The following GPR180 variants were observed in gnomAD, a reference collection of about 807,000 sequenced individuals.
The protein encoded by GPR180 is integral membrane protein GPR180.
A neutral mutation model predicts 52.6 loss-of-function variants in GPR180; 53 were observed. The observed-to-expected ratio is 1.01, with a 90% CI of 0.81 to 1.27. The LOEUF (loss-of-function observed/expected upper bound fraction) is 1.27, where lower values mean the gene tolerates loss of function less well. Among genes scored for constraint, GPR180 ranks in the 50% most tolerant of loss-of-function variants. GPR180 has a pLI of 0.00. For synonymous variants in GPR180, 200 were observed against 193.1 expected, an observed-to-expected ratio of 1.04 and a Z score of -0.30; for missense variants, 533 against 527.0, an observed-to-expected ratio of 1.01 and a Z score of -0.11.
At chr13:94,607,268 T>C (rs115105885) in intron 2 of GPR180, among the ~76,000 whole-genome samples, 1,839 of 152,302 alleles carry the variant, frequency 0.012, 39 homozygotes, top group African/African-American at 0.042. Context: ...GCCATGCTGG[T>C]CCCCCTTCTG....
intron 6 of GPR180, among the ~76,000 whole-genome samples, chr13:94,622,724 C>T (rs2138568104): frequency 6.6e-6 from 1 of 152,280 alleles, no homozygotes; most frequent in East Asian, 1.9e-4. Context: ...CAGGTGCCCG[C>T]CACCACACCC....
chr13:94,611,581 C>T (rs1445388046), intron 2 of GPR180, among the ~76,000 whole-genome samples: 4 of 152,008 alleles, frequency 2.6e-5, no homozygotes, highest in Admixed American at 2.0e-4. Context: ...AAGATGGTGG[C>T]GAGACTTGGC....
At chr13:94,617,025 G>A (rs1889787274) in intron 3 of GPR180, among the ~76,000 whole-genome samples, 1 of 152,146 alleles carries the variant, frequency 6.6e-6, no homozygotes, top group East Asian at 1.9e-4. Flanking sequence ...TCGTTATAAT[G>A]TTAGCTTTTT....
Position 94,628,859 on chromosome 13 carries a change from A to G in GPR180, c.*1688A>G, listed in dbSNP as rs1264971815. On this transcript the variant is annotated 3_prime_UTR_variant, in exon 9 of 9. Transcript: ENST00000376958. ...CAGCTGAGATGCAAAAAAGAAATTA[A>G]GCAAAAAAGAAAAAGATGAAGACTT... 3.3e-5 allele frequency: 5 copies of G among 152,118 alleles called. No individual in the cohort carries two copies. The highest frequency in any genetic ancestry group is 1.2e-4 in the African/African-American group (5 of 41,464). 9.4% of individuals were successfully genotyped at this position (152,118 alleles called of 1,614,324 possible).
chr13:94,606,332 T>A (rs1843305600), intron 2 of GPR180, among the ~76,000 whole-genome samples: 1 of 152,210 alleles, frequency 6.6e-6, no homozygotes, highest in South Asian at 2.1e-4. Context: ...CACCACATCA[T>A]TTGTATACTT....
intron 7 of GPR180, among the ~76,000 whole-genome samples, chr13:94,624,699 C>T (rs1889901335): frequency 6.6e-6 from 1 of 152,092 alleles, no homozygotes; most frequent in African/African-American, 2.4e-5. Context: ...CTCGCGCCCA[C>T]GCCCGGCTAA....
intron 3 of GPR180, among the ~76,000 whole-genome samples, chr13:94,613,448 AT>A (rs1316550635): frequency 6.6e-6 from 1 of 152,012 alleles, no homozygotes; most frequent in Non-Finnish European, 1.5e-5. Context: ...TGGTGTGCTA[AT>A]TTTTTTTATT....
intron 2 of GPR180, among the ~76,000 whole-genome samples, chr13:94,610,856 C>T (rs1889693767): frequency 6.6e-6 from 1 of 152,232 alleles, no homozygotes; most frequent in Admixed American, 6.5e-5. Context: ...AAACTATCCC[C>T]TCACATTTTC....
At position 94,618,070 on chromosome 13, in the gene GPR180, A is replaced by G. The variant is rs138064537; in HGVS notation, c.506-1080A>G. On this transcript the variant is annotated intron_variant, in intron 3 of 8. Coordinates refer to ENST00000376958, the MANE Select transcript of GPR180 (RefSeq NM_180989.6). ...TACTAAAAAGCTGCTAGTAGGCACT[A>G]GAGGCTGCTCTAATGACTGGTTCCA... is the stretch of plus-strand genomic sequence containing the variant. 2.8e-3 allele frequency among the ~76,000 whole-genome samples: 434 copies of G among 152,352 alleles called. 2 individuals carry two copies. Among genetic ancestry groups the G allele is most frequent in the African/African-American group, 9.5e-3 (396 of 41,586 alleles).
In GPR180 at chr13:94,602,030, C is replaced by T; in HGVS notation, c.103C>T (p.Gln35Ter). Residue 35 changes from glutamine to a stop codon, truncating the protein, a stop_gained, in exon 1 of 9, where the codon CAG becomes TAG. Coordinates refer to ENST00000376958, the MANE Select transcript of GPR180 (RefSeq NM_180989.6). LOFTEE classifies it high-confidence loss of function. ...GGGCAGCTTCAGCAGCACCGCGGCC[C>T]AGGACGCCCAGGGCCAGCGCATCGG... ...LRGSFSSTAA[Q>*]DAQGQRIGHF... is the part of the protein sequence containing the mutation. 6.9e-7 allele frequency: 1 copy of T among 1,455,038 alleles called. No homozygotes were observed. 90.1% of individuals were successfully genotyped at this position (1,455,038 alleles called of 1,614,324 possible). A position where few individuals can be genotyped will look rare whatever the true frequency, so the allele number is the denominator to read the frequency against.
intron 6 of GPR180, among the ~76,000 whole-genome samples, chr13:94,622,625 G>C (rs540033956): frequency 3.3e-5 from 5 of 152,314 alleles, no homozygotes; most frequent in African/African-American, 1.2e-4. Context: ...CAAAAGTGAA[G>C]TTCAGAAATG....
chr13:94,618,650 T>G (rs1241393182), intron 3 of GPR180, among the ~76,000 whole-genome samples: 1 of 152,006 alleles, frequency 6.6e-6, no homozygotes, highest in Non-Finnish European at 1.5e-5. Context: ...GATCAAAAAC[T>G]GGATGGCACT....
At position 94,633,379 on chromosome 13, in the gene GPR180, G is replaced by A. The variant is rs1294901289; in HGVS notation, c.*6208G>A. On this transcript the variant is annotated 3_prime_UTR_variant, in exon 9 of 9. Coordinates refer to ENST00000376958, the MANE Select transcript of GPR180 (RefSeq NM_180989.6). ...GAAAATTACGTTGTACTCTCTGTACGGATAATTTTCGGTTAAGTGTTTTTG... is the reference window on the plus strand; with the variant it reads ...GAAAATTACGTTGTACTCTCTGTACAGATAATTTTCGGTTAAGTGTTTTTG... 1 of 152,090 alleles carries A rather than the reference G, an allele frequency of 6.6e-6. No homozygotes were observed. The highest frequency in any genetic ancestry group is 3.4e-3 in the Middle Eastern group (1 of 294). The allele number at this position is 152,090 out of a possible 1,614,324, so 9.4% of individuals were successfully genotyped here.
intron 2 of GPR180, among the ~76,000 whole-genome samples, chr13:94,607,255 A>G (rs1321449001): frequency 6.6e-6 from 1 of 152,170 alleles, no homozygotes; most frequent in East Asian, 1.9e-4. Flanking sequence ...TGGTTATTTT[A>G]TAGCCATGCT....
chr13:94,606,728 G>GGAGGGAA (rs1889637412), intron 2 of GPR180, among the ~76,000 whole-genome samples: 4 of 152,126 alleles, frequency 2.6e-5, no homozygotes, highest in Admixed American at 2.6e-4. Flanking sequence ...CCCTCATAAG[G>GGAGGGAA]CAACTAGCTA....
chr13:94,623,893 A>G (rs1371518113), intron 7 of GPR180, among the ~76,000 whole-genome samples: 1 of 152,132 alleles, frequency 6.6e-6, no homozygotes, highest in Non-Finnish European at 1.5e-5. Flanking sequence ...TTTTTTCTGT[A>G]ATACCAGAAT....
chr13:94,626,401 C>G (rs998931636), intron 8 of GPR180, among the ~76,000 whole-genome samples: 9 of 152,036 alleles, frequency 5.9e-5, no homozygotes, highest in African/African-American at 1.9e-4. Flanking sequence ...AGTTATTGAA[C>G]AGACTACAAA....
chr13:94,623,024 A>T (rs1232777444), intron 6 of GPR180, 85 bp from the exon 7 acceptor site: 6 of 916,404 alleles, frequency 6.5e-6, no homozygotes, highest in African/African-American at 1.7e-5. Context: ...TAACATTTAA[A>T]GGGATGTTTA....
At chr13:94,607,852 C>T (rs1889654897) in intron 2 of GPR180, among the ~76,000 whole-genome samples, 2 of 152,218 alleles carry the variant, frequency 1.3e-5, no homozygotes, top group East Asian at 1.9e-4. Context: ...ATTGATGATA[C>T]CCCGGTGCTT....
Sources: gnomAD v4.1 joint callset for allele counts (sites outside exome capture counted in the v4.1 genomes callset) on GRCh38, gnomAD v4.1.1 for gene constraint, MANE v1.5 for transcripts, NCBI Gene and HGNC (gene_info 2026-07-23, HGNC 2026-07-21) for gene names.